Variants in TBC1D14 observed in about 807,000 individuals in gnomAD.
TBC1D14 encodes TBC1 domain family member 14, also known as TBC1 domain family, member 14.
TBC1D14 carries 26 observed loss-of-function variants against 79.0 expected under a neutral mutation model. The observed-to-expected ratio is 0.33, with a 90% CI of 0.24 to 0.46. The LOEUF is 0.46. TBC1D14 is among the 20% of genes least tolerant of loss of function. The pLI, the probability that TBC1D14 is intolerant of heterozygous loss-of-function variation, is 1.00. For synonymous variants in TBC1D14, 394 were observed against 349.9 expected (o/e 1.13, Z -1.40); for missense variants, 769 against 887.6 (o/e 0.87, Z 1.70).
chr4:7,031,441 G>A lies in TBC1D14; in HGVS notation c.*1049G>A, dbSNP rs753578238. 1 of 152,358 alleles carries A rather than the reference G, an allele frequency of 6.6e-6. No individual in the cohort carries two copies. The highest frequency in any genetic ancestry group is 3.4e-3 in the Middle Eastern group (1 of 294). The allele number at this position is 152,358 out of a possible 1,614,324, so 9.4% of individuals were successfully genotyped here. A position where few individuals can be genotyped will look rare whatever the true frequency, so the allele number is the denominator to read the frequency against. On this transcript the variant is annotated 3_prime_UTR_variant, in exon 14 of 14. Coordinates refer to ENST00000409757, the MANE Select transcript of TBC1D14 (RefSeq NM_020773.3). ...ACAGACGGAGGAGCGAGCAACACAC[G>A]TCTAACAGCCTAGACAATCTCGTCA... is the stretch of plus-strand genomic sequence containing the variant.
intron 13 of TBC1D14, among the ~76,000 whole-genome samples, chr4:7,027,333 CCACA>C (rs141031590): frequency 0.013 from 1,895 of 146,550 alleles, 48 homozygotes; most frequent in African/African-American, 0.045. Flanking sequence ...CACAATCACC[CCACA>C]CACACAATCA....
At chr4:6,947,396 G>A (rs1229852060) in intron 2 of TBC1D14, among the ~76,000 whole-genome samples, 1 of 152,110 alleles carries the variant, frequency 6.6e-6, no homozygotes, top group Non-Finnish European at 1.5e-5. Context: ...TACTTGGGAG[G>A]CTAAGGCAGG....
intron 13 of TBC1D14, among the ~76,000 whole-genome samples, chr4:7,025,810 C>T (rs1457662620): frequency 3.3e-5 from 5 of 152,180 alleles, no homozygotes; most frequent in Non-Finnish European, 5.9e-5. Context: ...AACAGTGGCG[C>T]GGATAGTCCG....
intron 3 of TBC1D14, among the ~76,000 whole-genome samples, chr4:6,989,282 C>T (rs1045508738): frequency 1.3e-5 from 2 of 152,148 alleles, no homozygotes; most frequent in Non-Finnish European, 2.9e-5. Flanking sequence ...TCTCCTCTCT[C>T]TCCTGGGGCT....
intron 3 of TBC1D14, among the ~76,000 whole-genome samples, chr4:6,982,880 G>A (rs1246833622): frequency 2.0e-5 from 3 of 152,232 alleles, no homozygotes; most frequent in African/African-American, 7.2e-5. Flanking sequence ...ACCATATTTG[G>A]AAGGGTACTT....
intron 12 of TBC1D14, among the ~76,000 whole-genome samples, chr4:7,019,833 G>C (rs1471708484): frequency 1.4e-5 from 1 of 70,350 alleles, no homozygotes; most frequent in African/African-American, 8.9e-5. Flanking sequence ...GGACCCTGGG[G>C]CACAGAGGTG....
chr4:6,960,908 A>C (rs549746289), intron 2 of TBC1D14, among the ~76,000 whole-genome samples: 2 of 152,186 alleles, frequency 1.3e-5, no homozygotes, highest in Non-Finnish European at 2.9e-5. Context: ...TCGGTGTCCA[A>C]CGCGTACCTG....
chr4:6,956,681 C>T (rs1343850589), intron 2 of TBC1D14, among the ~76,000 whole-genome samples: 1 of 152,242 alleles, frequency 6.6e-6, no homozygotes, highest in Admixed American at 6.5e-5. Context: ...ATAGCCACTG[C>T]TTGGTCTCCT....
At chr4:6,918,521 T>G (rs1209294341) in intron 1 of TBC1D14, among the ~76,000 whole-genome samples, 5 of 152,228 alleles carry the variant, frequency 3.3e-5, no homozygotes, top group Non-Finnish European at 5.9e-5. Context: ...CTCATTTCTT[T>G]TGTCCTCAGA....
intron 10 of TBC1D14, 108 bp from the exon 11 acceptor site, chr4:7,010,545 G>C: frequency 7.2e-7 from 1 of 1,381,534 alleles, no homozygotes. Flanking sequence ...GGCGGCTCTA[G>C]GGACACTTCT....
At chr4:6,954,336 C>T (rs1288229571) in intron 2 of TBC1D14, 1 of 717,520 alleles carries the variant, frequency 1.4e-6, no homozygotes, top group Admixed American at 2.0e-5. Context: ...TGTTCATGGA[C>T]AGGTTTGTGG....
At chr4:6,910,415 C>T (rs1397412907) in intron 1 of TBC1D14, 3 of 152,486 alleles carry the variant, frequency 2.0e-5, no homozygotes, top group Non-Finnish European at 2.9e-5. Flanking sequence ...CCCTCTACCC[C>T]TGGAGCCCCT....
intron 3 of TBC1D14, among the ~76,000 whole-genome samples, chr4:6,986,302 T>A (rs1474832480): frequency 1.3e-5 from 2 of 152,196 alleles, no homozygotes; most frequent in African/African-American, 2.4e-5. Context: ...CTGTTAGGAA[T>A]GTTTGCATGC....
intron 3 of TBC1D14, among the ~76,000 whole-genome samples, chr4:6,981,950 T>C (rs10015163): frequency 0.46 from 69,757 of 152,050 alleles, 16,652 homozygotes; most frequent in East Asian, 0.67. Flanking sequence ...TCCCCTAACA[T>C]TGAAAACAAG....
rs1724071669 is a variant in TBC1D14, at chr4:6,923,972, G to C, written c.583G>C (p.Asp195His). The change falls in exon 2 of 14, where the codon GAC becomes CAC. Residue 195 changes from aspartate to histidine, a missense_variant. Physicochemically the swap from Asp to His is moderately conservative, Grantham distance 81. Around this residue, in one of 2 missense-constraint regions of TBC1D14, gnomAD observed 402 missense variants for 393.2 expected, o/e 1.02. Coordinates refer to ENST00000409757, the MANE Select transcript of TBC1D14 (RefSeq NM_020773.3). Reference protein sequence around the residue: ...SSSAIVTLENDDDPQFTNVTL... With the variant: ...SSSAIVTLENHDDPQFTNVTL... ...CAGTGCCATTGTGACCCTGGAGAAT[G>C]ACGATGACCCACAGTTTACCAACGT... 1 of 1,614,156 alleles carries C rather than the reference G, an allele frequency of 6.2e-7. No homozygotes were observed. The highest frequency in any genetic ancestry group is 2.2e-5 in the East Asian group (1 of 44,880).
chr4:7,013,813 G>A (rs1383191493), intron 11 of TBC1D14, among the ~76,000 whole-genome samples: 2 of 151,742 alleles, frequency 1.3e-5, no homozygotes, highest in African/African-American at 2.4e-5. Context: ...GCGCAATCTC[G>A]GCTCACTGCA....
chr4:7,022,877 C>T (rs1276720044), intron 12 of TBC1D14, among the ~76,000 whole-genome samples: 2 of 151,798 alleles, frequency 1.3e-5, no homozygotes, highest in Admixed American at 6.6e-5. Context: ...TGGGGGGGTA[C>T]ATTGTAGAAA....
At chr4:6,916,504 T>G (rs1723413360) in intron 1 of TBC1D14, among the ~76,000 whole-genome samples, 1 of 152,192 alleles carries the variant, frequency 6.6e-6, no homozygotes, top group African/African-American at 2.4e-5. Context: ...CACTGCTTTT[T>G]AAGGAGGAGA....
intron 2 of TBC1D14, among the ~76,000 whole-genome samples, chr4:6,959,268 C>T (rs925075486): frequency 1.3e-5 from 2 of 152,152 alleles, no homozygotes; most frequent in East Asian, 3.9e-4. Flanking sequence ...GAGTGTGTGT[C>T]ACTGAATGGA....
Sources: allele counts gnomAD v4.1 joint callset (sites outside exome capture counted in the v4.1 genomes callset), GRCh38; gene constraint gnomAD v4.1.1; regional missense constraint gnomAD v4.1.1; transcripts MANE v1.5; gene names NCBI Gene and HGNC (gene_info 2026-07-23, HGNC 2026-07-21).